DNAH2: variants seen among roughly 807,000 people sequenced by gnomAD.
DNAH2 encodes axonemal beta dynein heavy chain 2.
A neutral mutation model predicts 523.5 loss-of-function variants in DNAH2; 323 were observed. That is an observed-to-expected ratio of 0.62 (90% CI 0.56 to 0.68). The LOEUF is 0.68. Ranked by LOEUF, DNAH2 falls within the 30% of genes least tolerant of loss-of-function variation. The probability of loss-of-function intolerance (pLI) is 0.00; values close to 1 mark genes in which losing one functional copy is unlikely to be tolerated. For missense variants in DNAH2, 4,907 were observed against 5,701.5 expected (o/e 0.86, Z 4.49); for synonymous variants, 2,093 against 2,177.4 (o/e 0.96, Z 1.08).
At chr17:7,797,148 TG>T in intron 50 of DNAH2, 27 bp from the exon 51 acceptor site, 1 of 1,508,912 alleles carries the variant, frequency 6.6e-7, no homozygotes, top group Non-Finnish European at 9.2e-7. Context: ...TTTTGCTCCC[TG>T]GTCCCAACAG....
At chr17:7,818,290 C>T (rs757107907) in intron 68 of DNAH2, 22 bp from the exon 69 acceptor site, 2 of 1,613,150 alleles carry the variant, frequency 1.2e-6, no homozygotes. Flanking sequence ...AGTCCTTGCC[C>T]CTGACCCTTC....
At chr17:7,765,912 G>T (rs1221481893) in intron 21 of DNAH2, among the ~76,000 whole-genome samples, 1 of 151,894 alleles carries the variant, frequency 6.6e-6, no homozygotes, top group Non-Finnish European at 1.5e-5. Flanking sequence ...CCGAGTAGCT[G>T]GGACTACAGG....
chr17:7,820,727 A>G (rs564104542), intron 72 of DNAH2, among the ~76,000 whole-genome samples: 4 of 152,070 alleles, frequency 2.6e-5, no homozygotes, highest in Admixed American at 6.6e-5. Flanking sequence ...TTTGTTTTTT[A>G]ATGGAACTGA....
intron 77 of DNAH2, among the ~76,000 whole-genome samples, chr17:7,827,864 G>T (rs2078064132): frequency 1.3e-5 from 2 of 152,018 alleles, no homozygotes; most frequent in Non-Finnish European, 2.9e-5. Flanking sequence ...ATATATGTAT[G>T]GGTTTCAGGG....
chr17:7,793,447 T>TTCTTTTTTCTTTC (rs774059490), intron 48 of DNAH2, among the ~76,000 whole-genome samples: 3 of 96,416 alleles, frequency 3.1e-5, no homozygotes, highest in Admixed American at 1.1e-4. Context: ...CTTTCTTTCT[T>TTCTTTTTTCTTTC]TTTCTTTCTT....
chr17:7,801,821 A>C, intron 57 of DNAH2, 57 bp from the exon 58 acceptor site: 1 of 1,610,242 alleles, frequency 6.2e-7, no homozygotes, highest in South Asian at 1.1e-5. Context: ...TCGCACTCCC[A>C]GCCTCTCTCC....
chr17:7,821,173 A>T lies in DNAH2; in HGVS notation c.11016-70A>T, dbSNP rs1187255796. 7.0e-6 allele frequency: 11 copies of T among 1,563,508 alleles called. No individual in the cohort carries two copies. The highest frequency in any genetic ancestry group is 9.6e-6 in the Non-Finnish European group (11 of 1,150,548). ...TGTGAAGCTGTGTGATAGTAGCATC[A>T]TAGCATTCGCATGGAGCATCAGCCC... On this transcript the variant is annotated intron_variant, in intron 72 of 85. Coordinates refer to ENST00000572933, the MANE Select transcript of DNAH2 (RefSeq NM_020877.5). The surrounding 1 kb of genome is among the most constrained non-coding windows in gnomAD (Gnocchi z 5.0).
chr17:7,739,826 C>G lies in DNAH2; in HGVS notation c.1264C>G (p.Arg422Gly), dbSNP rs772705872. Reference protein sequence around the residue: ...FFGAQGPQITRNLLEIEDIFH... With the variant: ...FFGAQGPQITGNLLEIEDIFH... ...TGGTGCCCAGGGGCCACAGATAACA[C>G]GGAACTTGCTGGAGATTGAGGACAT... The change falls in exon 9 of 86, where the codon CGG (arginine) becomes GGG (glycine). Residue 422 changes from arginine to glycine, a missense_variant. Coordinates refer to ENST00000572933, the MANE Select transcript of DNAH2 (RefSeq NM_020877.5). 1 of 1,613,878 alleles carries G rather than the reference C, an allele frequency of 6.2e-7. No individual in the cohort carries two copies. The highest frequency in any genetic ancestry group is 8.5e-7 in the Non-Finnish European group (1 of 1,180,016).
intron 63 of DNAH2, among the ~76,000 whole-genome samples, chr17:7,811,259 T>C (rs758107362): frequency 6.6e-6 from 1 of 152,132 alleles, no homozygotes; most frequent in Non-Finnish European, 1.5e-5. Context: ...ATAATAACAA[T>C]ATACAGAAAT....
At position 7,807,348 on chromosome 17, in the gene DNAH2, G is replaced by A; in HGVS notation, c.9612+29G>A. Reference sequence around the variant, plus strand: ...AAGGCGTCAGGGCTGGGGCGGGGCGGTAGGGAGGGCAGGCCTGGGGGAGTG... The same window carrying A: ...AAGGCGTCAGGGCTGGGGCGGGGCGATAGGGAGGGCAGGCCTGGGGGAGTG... On this transcript the variant is annotated intron_variant, in intron 62 of 85. Transcript: ENST00000572933. This position sits in a 1 kb window ranked among gnomAD's most constrained non-coding sequence, Gnocchi z 5.6. The A allele has an allele frequency of 6.2e-7, 1 of 1,605,144 alleles. No individual in the cohort carries two copies. The highest frequency in any genetic ancestry group is 8.5e-7 in the Non-Finnish European group (1 of 1,175,820).
At position 7,832,732 on chromosome 17, in the gene DNAH2, C is replaced by T; in HGVS notation, c.12880C>T (p.Gln4294Ter). Residue 4294 changes from glutamine to a stop codon, truncating the protein, a stop_gained, in exon 83 of 86, where the codon CAG becomes TAG. Transcript: ENST00000572933. LOFTEE classifies it high-confidence loss of function. The surrounding 1 kb of genome is among the most constrained non-coding windows in gnomAD (Gnocchi z 4.3). ...CACTGGCTTCCTCACTGCTGTGCTGCAGTCTTCAGCTCGCCAAAACAACGT... is the reference window on the plus strand; with the variant it reads ...CACTGGCTTCCTCACTGCTGTGCTGTAGTCTTCAGCTCGCCAAAACAACGT... ...FPTGFLTAVL[Q>*]SSARQNNVSV... 2.5e-6 allele frequency: 4 copies of T among 1,614,102 alleles called. No homozygotes were observed. The South Asian group carries it at 4.4e-5, about 18-fold the overall frequency.
chr17:7,757,019 C>T, intron 12 of DNAH2, 72 bp from the exon 13 acceptor site: 1 of 1,594,128 alleles, frequency 6.3e-7, no homozygotes, highest in Non-Finnish European at 8.6e-7. Flanking sequence ...CCAGCCTCTC[C>T]ACCTGTTCGA....
intron 11 of DNAH2, among the ~76,000 whole-genome samples, chr17:7,741,329 C>T (rs1567625291): frequency 7.3e-5 from 8 of 109,862 alleles, no homozygotes; most frequent in Admixed American, 2.1e-4. Flanking sequence ...CTCCCTCCTT[C>T]CTTCCTTCCT....
chr17:7,818,117 C>T, intron 68 of DNAH2, 21 bp downstream of exon 68: 1 of 1,609,084 alleles, frequency 6.2e-7, no homozygotes, highest in South Asian at 1.1e-5. Flanking sequence ...GTCCCCAAGA[C>T]CAGCCAAGTG....
chr17:7,823,193 C>T (rs546795138), intron 73 of DNAH2, among the ~76,000 whole-genome samples: 1 of 151,608 alleles, frequency 6.6e-6, no homozygotes, highest in South Asian at 2.1e-4. Flanking sequence ...ACTCAGGAGG[C>T]TGAGGCAGGA....
chr17:7,736,168 C>T (rs1430955473), intron 7 of DNAH2, among the ~76,000 whole-genome samples: 1 of 152,078 alleles, frequency 6.6e-6, no homozygotes, highest in East Asian at 1.9e-4. Context: ...AGCCACCACA[C>T]CTGGGCAATA....
chr17:7,812,305 T>C (rs993814187), intron 63 of DNAH2, among the ~76,000 whole-genome samples: 47 of 152,088 alleles, frequency 3.1e-4, no homozygotes, highest in African/African-American at 1.1e-3. Flanking sequence ...ATAAAATATA[T>C]CATTATAACC....
chr17:7,797,529 TG>T lies in DNAH2; in HGVS notation c.8080+1del. On this transcript the variant is annotated frameshift_variant and splice_region_variant, in exon 52 of 86. Coordinates refer to ENST00000572933, the MANE Select transcript of DNAH2 (RefSeq NM_020877.5). LOFTEE classifies it high-confidence loss of function. ...LCPSKRPPIF[G>X]DFLKEPKVYE... ...GTCCCAGCAAGCGTCCTCCTATCTT[TG>T]GTGAGCCAGGAGCTGTGATGACCTT... 6.2e-7 allele frequency: 1 copy of T among 1,614,120 alleles called. No individual in the cohort carries two copies. The highest frequency in any genetic ancestry group is 2.2e-5 in the East Asian group (1 of 44,878).
chr17:7,791,965 T>A lies in DNAH2; in HGVS notation c.6949T>A (p.Phe2317Ile), dbSNP rs1567705200. Residue 2317 changes from phenylalanine to isoleucine, a missense_variant, in exon 45 of 86, where the codon TTT becomes ATT. By Grantham distance (21) the Phe-to-Ile change is conservative. Around this residue, in one of 3 missense-constraint regions of DNAH2, gnomAD observed 2,806 missense variants for 3,190.8 expected, o/e 0.88. Transcript: ENST00000572933. Reference protein sequence around the residue: ...ENYVTMVEMTFVFSMIWSVCA... With the variant: ...ENYVTMVEMTIVFSMIWSVCA... ...CTATGTCACCATGGTAGAGATGACATTTGTGTTCAGCATGATCTGGTCTGT... is the reference window on the plus strand; with the variant it reads ...CTATGTCACCATGGTAGAGATGACAATTGTGTTCAGCATGATCTGGTCTGT... The A allele has an allele frequency of 1.9e-6, 3 of 1,613,994 alleles. No homozygotes were observed. The highest frequency in any genetic ancestry group is 2.5e-6 in the Non-Finnish European group (3 of 1,179,986).
Sources: gnomAD v4.1 joint callset for allele counts (sites outside exome capture counted in the v4.1 genomes callset) on GRCh38, gnomAD v4.1.1 for gene constraint, gnomAD v4.1.1 regional missense constraint, Gnocchi (gnomAD v3.1) non-coding constraint, MANE v1.5 for transcripts, NCBI Gene and HGNC (gene_info 2026-07-23, HGNC 2026-07-21) for gene names.